The following ADAMTSL1 variants were observed in gnomAD, a reference collection of about 807,000 sequenced individuals.
The protein encoded by ADAMTSL1 is ADAMTS-like protein 1.
ADAMTSL1 carries 126 observed loss-of-function variants against 201.8 expected under a neutral mutation model. That is an observed-to-expected ratio of 0.62 (90% CI 0.54 to 0.72). The LOEUF (loss-of-function observed/expected upper bound fraction) is 0.72. ADAMTSL1 is among the 30% of genes least tolerant of loss of function. The pLI is 0.00. For synonymous variants in ADAMTSL1, 1,121 were observed against 903.4 expected, an observed-to-expected ratio of 1.24 and a Z score of -4.32; for missense variants, 2,679 against 2,277.8, an observed-to-expected ratio of 1.18 and a Z score of -3.59.
chr9:18,138,548 A>G (rs1052364403), intron 1 of ADAMTSL1, among the ~76,000 whole-genome samples: 11 of 152,160 alleles, frequency 7.2e-5, no homozygotes, highest in African/African-American at 2.4e-4. Context: ...GGCCATGGCT[A>G]CTAGTGCTGG....
At chr9:18,902,806 A>G (rs1329978714) in intron 26 of ADAMTSL1, among the ~76,000 whole-genome samples, 1 of 152,232 alleles carries the variant, frequency 6.6e-6, no homozygotes, top group Non-Finnish European at 1.5e-5. Flanking sequence ...AAGACTAACC[A>G]AAATAGACAA....
intron 1 of ADAMTSL1, among the ~76,000 whole-genome samples, chr9:18,080,782 G>A (rs991793548): frequency 6.6e-6 from 1 of 152,112 alleles, no homozygotes; most frequent in African/African-American, 2.4e-5. Context: ...AGATTTTCTG[G>A]TTCTAAGTCA....
chr9:18,877,040 G>A (rs756597621), intron 23 of ADAMTSL1, among the ~76,000 whole-genome samples: 33 of 151,954 alleles, frequency 2.2e-4, no homozygotes, highest in Non-Finnish European at 4.1e-4. Context: ...ATTCTGTTGA[G>A]ACTTTCCTGT....
chr9:18,492,943 A>G lies in ADAMTSL1; in HGVS notation c.64-11886A>G, dbSNP rs115436780. On this transcript the variant is annotated intron_variant, in intron 1 of 28. Transcript: ENST00000380548. ...TTTGCTATCAATATTATGTATGTAC[A>G]CTCTGAAACATTTTAAAATTAAAAG... Among the ~76,000 whole-genome samples the G allele has an allele frequency of 8.2e-3, 1,246 of 152,298 alleles. 14 individuals are homozygous for G. Among genetic ancestry groups the G allele is most frequent in the African/African-American group, 0.028 (1,180 of 41,562 alleles).
At chr9:18,285,909 T>C (rs1832974616) in intron 2 of ADAMTSL1, among the ~76,000 whole-genome samples, 1 of 152,154 alleles carries the variant, frequency 6.6e-6, no homozygotes, top group South Asian at 2.1e-4. Flanking sequence ...TTTTTTAGCA[T>C]ATTCATAAGA....
chr9:18,892,702 A>C, intron 26 of ADAMTSL1, 106 bp downstream of exon 26: 1 of 1,311,188 alleles, frequency 7.6e-7, no homozygotes, highest in Non-Finnish European at 1.0e-6. Context: ...TCCTCCTTTC[A>C]CATTCTGATT....
intron 1 of ADAMTSL1, among the ~76,000 whole-genome samples, chr9:18,143,039 G>A (rs189654701): frequency 8.5e-4 from 130 of 152,292 alleles, no homozygotes; most frequent in African/African-American, 2.9e-3. Flanking sequence ...GGATGATGCA[G>A]GTCTGTCGAT....
chr9:18,087,548 A>G (rs1375076590), intron 1 of ADAMTSL1, among the ~76,000 whole-genome samples: 2 of 152,132 alleles, frequency 1.3e-5, no homozygotes, highest in Admixed American at 6.6e-5. Context: ...ATAGATCTAG[A>G]GCCATGTGAC....
intron 20 of ADAMTSL1, among the ~76,000 whole-genome samples, chr9:18,806,889 A>G (rs551150061): frequency 6.6e-6 from 1 of 152,312 alleles, no homozygotes; most frequent in Admixed American, 6.5e-5. Context: ...ACATCCTTGG[A>G]TGCTGACGTA....
intron 23 of ADAMTSL1, among the ~76,000 whole-genome samples, chr9:18,883,571 C>T (rs1336001035): frequency 6.6e-6 from 1 of 152,198 alleles, no homozygotes; most frequent in Non-Finnish European, 1.5e-5. Flanking sequence ...CTGCACTCCT[C>T]CTCCCTCCCT....
At chr9:18,422,217 A>G (rs1481743968) in intron 2 of ADAMTSL1, among the ~76,000 whole-genome samples, 1 of 152,152 alleles carries the variant, frequency 6.6e-6, no homozygotes, top group Non-Finnish European at 1.5e-5. Flanking sequence ...TTAAACATGG[A>G]AAGTGTGTCT....
At chr9:18,053,086 A>G (rs1055811934) in intron 1 of ADAMTSL1, among the ~76,000 whole-genome samples, 1 of 152,206 alleles carries the variant, frequency 6.6e-6, no homozygotes, top group African/African-American at 2.4e-5. Flanking sequence ...AAGCTAAAGG[A>G]ACACACCAAG....
intron 1 of ADAMTSL1, among the ~76,000 whole-genome samples, chr9:18,074,296 C>G (rs2131743409): frequency 6.6e-6 from 1 of 152,252 alleles, no homozygotes; most frequent in East Asian, 1.9e-4. Flanking sequence ...GAAGCACCAT[C>G]CAGATGTCTG....
intron 1 of ADAMTSL1, among the ~76,000 whole-genome samples, chr9:17,985,588 T>G (rs1319567601): frequency 2.0e-5 from 3 of 152,098 alleles, no homozygotes. Context: ...TGTAGAAACA[T>G]TTTGCCGTAT....
At chr9:18,195,171 G>C (rs1829125268) in intron 2 of ADAMTSL1, among the ~76,000 whole-genome samples, 1 of 152,116 alleles carries the variant, frequency 6.6e-6, no homozygotes, top group East Asian at 1.9e-4. Flanking sequence ...ACAGCCACCA[G>C]TGTCCATCAA....
chr9:18,779,222 G>A (rs1346853257), intron 19 of ADAMTSL1, among the ~76,000 whole-genome samples: 12 of 152,144 alleles, frequency 7.9e-5, no homozygotes, highest in Non-Finnish European at 1.8e-4. Flanking sequence ...TGATTCCAAG[G>A]AAGAGTTCTG....
chr9:18,503,699 A>G (rs1554691124), intron 1 of ADAMTSL1, among the ~76,000 whole-genome samples: 1 of 152,052 alleles, frequency 6.6e-6, no homozygotes, highest in Non-Finnish European at 1.5e-5. Context: ...CCTGCTCCTA[A>G]TCACTGTGCT....
chr9:18,776,630 T>C, intron 18 of ADAMTSL1, 151 bp from the exon 19 acceptor site: 4 of 941,240 alleles, frequency 4.2e-6, no homozygotes, highest in Non-Finnish European at 6.1e-6. Flanking sequence ...CCCCGAAGAA[T>C]ACTTTCTCTC....
intron 14 of ADAMTSL1, 82 bp from the exon 15 acceptor site, chr9:18,721,454 C>T (rs556389189): frequency 3.2e-6 from 5 of 1,556,790 alleles, no homozygotes; most frequent in Non-Finnish European, 4.4e-6. Flanking sequence ...GGACCTCCCA[C>T]CAGCTGCCTT....
Sources: gnomAD v4.1 joint callset for allele counts (sites outside exome capture counted in the v4.1 genomes callset) on GRCh38, gnomAD v4.1.1 for gene constraint, MANE v1.5 for transcripts, NCBI Gene and HGNC (gene_info 2026-07-23, HGNC 2026-07-21) for gene names.